PHEX: variants seen among roughly 807,000 people sequenced by gnomAD.
PHEX encodes the protein phosphate-regulating neutral endopeptidase PHEX.
Under a neutral mutation model 68.0 loss-of-function variants are expected in PHEX, and 16 were observed. The observed-to-expected ratio is 0.24, with a 90% CI of 0.16 to 0.36. The LOEUF is 0.36. Among genes scored for constraint, PHEX ranks in the 10% least tolerant of loss-of-function variants. The probability of loss-of-function intolerance (pLI) is 1.00; values close to 1 mark genes in which losing one functional copy is unlikely to be tolerated. For missense variants in PHEX, 480 were observed against 575.5 expected (o/e 0.83, Z 1.70); for synonymous variants, 208 against 205.1 (o/e 1.01, Z -0.12).
intron 2 of PHEX, among the ~76,000 whole-genome samples, chrX:22,041,383 C>A (rs890896433): frequency 1.4e-4 from 15 of 106,615 alleles, no homozygotes; most frequent in Non-Finnish European, 2.5e-4. Flanking sequence ...TCAGTGCTAT[C>A]ACCAGCCTCA....
intron 3 of PHEX, among the ~76,000 whole-genome samples, chrX:22,063,174 G>C (rs758106259): frequency 6.2e-5 from 7 of 112,007 alleles, no homozygotes; most frequent in South Asian, 7.4e-4. Context: ...TCTGAGATGA[G>C]AACCATTCAG....
rs1936517818 is a variant in PHEX, at chrX:22,249,675, A to G, written c.*1722A>G. ...AGGGCAGCTACCTTGTCCTCCTCTT[A>G]ACCTGGCTTAATGTGACCTTAGTTT... On this transcript the variant is annotated 3_prime_UTR_variant, in exon 22 of 22. Coordinates refer to ENST00000379374, the MANE Select transcript of PHEX (RefSeq NM_000444.6). 1 of 106,509 alleles carries G rather than the reference A, an allele frequency of 9.4e-6. No homozygotes were observed. Among genetic ancestry groups the G allele is most frequent in the Non-Finnish European group, 1.9e-5 (1 of 52,052 alleles). The allele number at this position is 106,509 out of a possible 1,213,427, so 8.8% of individuals were successfully genotyped here. A position where few individuals can be genotyped will look rare whatever the true frequency, so the allele number is the denominator to read the frequency against.
intron 12 of PHEX, among the ~76,000 whole-genome samples, chrX:22,154,668 G>T (rs1932912422): frequency 3.6e-5 from 4 of 111,384 alleles, no homozygotes; most frequent in South Asian, 3.8e-4. Flanking sequence ...TTATGGTAAG[G>T]CTCATTATAA....
At chrX:22,098,632 CAA>C (rs778559963) in intron 8 of PHEX, among the ~76,000 whole-genome samples, 6 of 70,255 alleles carry the variant, frequency 8.5e-5, no homozygotes, top group Non-Finnish European at 1.4e-4. Context: ...ACTAAAAATA[CAA>C]AAAAAAAAAA....
At chrX:22,242,451 G>C (rs1019316903) in intron 20 of PHEX, among the ~76,000 whole-genome samples, 2 of 111,380 alleles carry the variant, frequency 1.8e-5, no homozygotes, top group Non-Finnish European at 3.8e-5. Context: ...GAGAAATAAA[G>C]GGTATTCAAA....
At chrX:22,037,356 C>T (rs1043891738) in intron 1 of PHEX, among the ~76,000 whole-genome samples, 1 of 111,445 alleles carries the variant, frequency 9.0e-6, no homozygotes, top group Admixed American at 9.5e-5. Context: ...CCTTGGTCCC[C>T]ATTCACCTCC....
intron 11 of PHEX, 92 bp from the exon 12 acceptor site, chrX:22,133,431 G>T (rs977373944): frequency 3.7e-5 from 23 of 614,598 alleles, no homozygotes; most frequent in Admixed American, 2.6e-4. Flanking sequence ...GTTGAGTAAA[G>T]AGTCATTTCT....
chrX:22,041,263 CTCTATA>C (rs1202326652), intron 2 of PHEX, among the ~76,000 whole-genome samples: 123 of 65,361 alleles, frequency 1.9e-3, no homozygotes, highest in African/African-American at 8.2e-3. Context: ...CTCTCTCTCT[CTCTATA>C]TATATATATA....
At chrX:22,228,074 C>G (rs940141084) in intron 20 of PHEX, among the ~76,000 whole-genome samples, 10 of 111,481 alleles carry the variant, frequency 9.0e-5, no homozygotes, top group Non-Finnish European at 1.9e-4. Context: ...GCAGAGACCC[C>G]TAGAGCTGAA....
At chrX:22,182,770 T>A (rs1189792282) in intron 14 of PHEX, among the ~76,000 whole-genome samples, 1 of 111,445 alleles carries the variant, frequency 9.0e-6, no homozygotes, top group African/African-American at 3.3e-5. Flanking sequence ...GTCTACCCAC[T>A]GGGGCAGCAA....
intron 3 of PHEX, among the ~76,000 whole-genome samples, 156 bp from the exon 4 acceptor site, chrX:22,076,232 T>G (rs1321632582): frequency 8.9e-6 from 1 of 112,470 alleles, no homozygotes; most frequent in Non-Finnish European, 1.9e-5. Context: ...TTGGAATCTG[T>G]TCTGTTGTCT....
chrX:22,136,252 A>G (rs1569407096), intron 12 of PHEX, among the ~76,000 whole-genome samples: 1 of 111,453 alleles, frequency 9.0e-6, no homozygotes, highest in Non-Finnish European at 1.9e-5. Flanking sequence ...ACAAGAAAGG[A>G]GAGACTTTGC....
chrX:22,146,479 T>G (rs1288564100), intron 12 of PHEX, among the ~76,000 whole-genome samples: 1 of 112,038 alleles, frequency 8.9e-6, no homozygotes, highest in Non-Finnish European at 1.9e-5. Context: ...ATGCTAGTGT[T>G]GAGGAATATA....
At chrX:22,110,606 C>G (rs1290402835) in intron 9 of PHEX, among the ~76,000 whole-genome samples, 2 of 87,939 alleles carry the variant, frequency 2.3e-5, no homozygotes, top group Admixed American at 1.3e-4. Context: ...TCCCTCCCCC[C>G]TCCCTCTATG....
chrX:22,082,004 G>A (rs2147025935), intron 5 of PHEX, among the ~76,000 whole-genome samples: 1 of 111,995 alleles, frequency 8.9e-6, no homozygotes, highest in African/African-American at 3.2e-5. Flanking sequence ...CATTTTTCTG[G>A]CTCTCAGCAA....
chrX:22,186,723 AATAAG>A (rs1934044504), intron 14 of PHEX, among the ~76,000 whole-genome samples: 2 of 111,682 alleles, frequency 1.8e-5, no homozygotes, highest in Admixed American at 9.5e-5. Flanking sequence ...ATGTGTCTGA[AATAAG>A]ATGTTTTCGT....
At chrX:22,189,474 C>T (rs1021837723) in intron 14 of PHEX, among the ~76,000 whole-genome samples, 9 of 111,479 alleles carry the variant, frequency 8.1e-5, no homozygotes, top group Non-Finnish European at 1.3e-4. Flanking sequence ...TGGTGGCTCA[C>T]GCCTGTAGTC....
intron 14 of PHEX, 95 bp from the exon 15 acceptor site, chrX:22,190,349 T>C: frequency 1.7e-6 from 1 of 603,349 alleles, no homozygotes. Flanking sequence ...TTCCATGTTA[T>C]CTGCTAATAA....
chrX:22,111,848 G>A (rs1302810061), intron 10 of PHEX, among the ~76,000 whole-genome samples: 2 of 112,084 alleles, frequency 1.8e-5, no homozygotes, highest in Non-Finnish European at 3.8e-5. Flanking sequence ...TCTTATTAGT[G>A]TATTCCCATT....
Sources: allele counts gnomAD v4.1 joint callset (sites outside exome capture counted in the v4.1 genomes callset), GRCh38; gene constraint gnomAD v4.1.1; transcripts MANE v1.5; gene names NCBI Gene and HGNC (gene_info 2026-07-23, HGNC 2026-07-21).